The following ANKRD26 variants were observed in gnomAD, a reference collection of about 807,000 sequenced individuals.
The protein encoded by ANKRD26 is ankyrin repeat domain-containing protein 26.
ANKRD26 carries 141 observed loss-of-function variants against 208.7 expected under a neutral mutation model. The observed-to-expected ratio is 0.68, with a 90% CI of 0.59 to 0.78. The LOEUF (loss-of-function observed/expected upper bound fraction) is 0.78, where lower values mean the gene tolerates loss of function less well. ANKRD26 is among the 30% of genes least tolerant of loss of function. The pLI is 0.00. For missense variants in ANKRD26, 1,889 were observed against 1,938.7 expected, an observed-to-expected ratio of 0.97 and a Z score of 0.48; for synonymous variants, 636 against 660.4, an observed-to-expected ratio of 0.96 and a Z score of 0.57.
At chr10:26,962,381 C>T in the ANKRD26 span, among the ~76,000 whole-genome samples, 6 of 151,834 alleles carry the variant, frequency 4.0e-5, no homozygotes, top group East Asian at 1.9e-4. Flanking sequence ...TCAAGACCAG[C>T]GGGGCCAACA....
chr10:27,006,116 TG>T (rs1472055560), intron 33 of ANKRD26, among the ~76,000 whole-genome samples: 2 of 152,202 alleles, frequency 1.3e-5, no homozygotes, highest in African/African-American at 4.8e-5. Context: ...AGGGCACTAC[TG>T]GAACACACAG....
chr10:26,975,552 G>A (rs780012177), exon 6 of ANKRD26, among the ~76,000 whole-genome samples: 28 of 151,914 alleles, frequency 1.8e-4, no homozygotes, highest in Non-Finnish European at 3.7e-4. Flanking sequence ...CTAAAGAGGA[G>A]CTCTACAGGC....
intron 3 of ANKRD26, among the ~76,000 whole-genome samples, chr10:26,982,978 TA>T (rs1297902454): frequency 2.2e-4 from 34 of 152,358 alleles, no homozygotes; most frequent in African/African-American, 7.5e-4. Flanking sequence ...ATGTCAGTCA[TA>T]AGTCAGGTTT....
At chr10:27,002,682 A>C (rs34321267), downstream of ANKRD26, among the ~76,000 whole-genome samples, 1 of 152,212 alleles carries the variant, frequency 6.6e-6, no homozygotes, top group African/African-American at 2.4e-5. Flanking sequence ...TGTAGGGTCT[A>C]TGGTCATAAC....
In ANKRD26 at chr10:27,093,814, G is replaced by A; in HGVS notation, c.243-15C>T. ...GTAGAGCCGTCCTATGAGAGTGACA[G>A]GACTTTTTATAAACTGTAGTGCACT... On this transcript the variant is annotated splice_polypyrimidine_tract_variant and intron_variant, in intron 1 of 33. Transcript: ENST00000376087. 6.3e-7 allele frequency: 1 copy of A among 1,585,428 alleles called. No homozygotes were observed. The highest frequency in any genetic ancestry group is 8.7e-7 in the Non-Finnish European group (1 of 1,154,076).
rs867614499 is a variant in ANKRD26, at chr10:27,061,043, A to G, written c.1462+101T>C. 63 of 903,618 alleles carry G rather than the reference A, an allele frequency of 7.0e-5. No homozygotes were observed. The Middle Eastern group carries it at 3.2e-3, about 46-fold the overall frequency. The allele number at this position is 903,618 out of a possible 1,614,324, so 56.0% of individuals were successfully genotyped here. A position where few individuals can be genotyped will look rare whatever the true frequency, so the allele number is the denominator to read the frequency against. ...AGTTATGATGCCACTTTACTTGGAT[A>G]TATAACTTATTTCTCATCAGAGAAA... is the stretch of plus-strand genomic sequence containing the variant. On this transcript the variant is annotated intron_variant, in intron 13 of 33. Coordinates refer to ENST00000376087, the MANE Select transcript of ANKRD26 (RefSeq NM_014915.3).
At chr10:26,984,773 G>A (rs2052358763) in intron 3 of ANKRD26, among the ~76,000 whole-genome samples, 1 of 152,150 alleles carries the variant, frequency 6.6e-6, no homozygotes, top group South Asian at 2.1e-4. Flanking sequence ...CAAAATGGTG[G>A]ATCAGAGTGT....
intron 5 of ANKRD26, among the ~76,000 whole-genome samples, chr10:26,994,283 T>C (rs942753675): frequency 1.1e-4 from 17 of 152,152 alleles, no homozygotes; most frequent in Admixed American, 8.5e-4. Flanking sequence ...CTGGCTTATT[T>C]TGGCAACAAA....
chr10:26,972,047 A>G (rs930713851), downstream of ANKRD26, among the ~76,000 whole-genome samples: 2 of 152,058 alleles, frequency 1.3e-5, no homozygotes, highest in Non-Finnish European at 2.9e-5. Context: ...CATCCTGGCT[A>G]ACACGGTGAA....
intron 6 of ANKRD26, chr10:27,081,048 T>A: frequency 1.5e-6 from 1 of 661,134 alleles, no homozygotes; most frequent in Non-Finnish European, 1.9e-6. Context: ...GAGGCAGAAG[T>A]AGTTATAGTA....
chr10:27,023,295 C>T (rs1218077316), intron 28 of ANKRD26, among the ~76,000 whole-genome samples: 1 of 151,262 alleles, frequency 6.6e-6, no homozygotes, highest in Non-Finnish European at 1.5e-5. Flanking sequence ...TGGGCCGAGA[C>T]TGCACCACCA....
chr10:27,082,807 T>C lies in ANKRD26; in HGVS notation c.736A>G (p.Ser246Gly), dbSNP rs750400386. The change falls in exon 6 of 34, where the codon AGC becomes GGC. Residue 246 changes from serine (S) to glycine (G), a missense_variant. Ser to Gly is a moderately conservative substitution (Grantham distance 56, BLOSUM62 0). Coordinates refer to ENST00000376087, the MANE Select transcript of ANKRD26 (RefSeq NM_014915.3). ...TAAAAATCTGTAAAATACTACCTGC[T>C]TAAGGAGTCTTCAGAGCTTTCATCC... ...SVDESSEDSL[S>G]RLSGKPGVDD... is the part of the protein sequence containing the mutation. 3 of 1,588,096 alleles carry C rather than the reference T, an allele frequency of 1.9e-6. No individual in the cohort carries two copies. The highest frequency in any genetic ancestry group is 2.6e-6 in the Non-Finnish European group (3 of 1,166,082).
chr10:27,016,880 A>AG (rs1357256052), intron 30 of ANKRD26, among the ~76,000 whole-genome samples: 1 of 151,356 alleles, frequency 6.6e-6, no homozygotes. Context: ...TATGTGAAAA[A>AG]AAAGCTGAAG....
chr10:26,978,731 T>C (rs889603702), intron 5 of ANKRD26, among the ~76,000 whole-genome samples: 3 of 152,162 alleles, frequency 2.0e-5, no homozygotes, highest in Admixed American at 2.0e-4. Context: ...GCAAGCCACA[T>C]GCACAGACTC....
intron 32 of ANKRD26, among the ~76,000 whole-genome samples, chr10:27,009,203 A>G (rs1369865763): frequency 2.0e-5 from 3 of 152,146 alleles, no homozygotes; most frequent in African/African-American, 7.2e-5. Context: ...AAAGGACACC[A>G]GGTCAGACAT....
In ANKRD26 at chr10:27,028,935, C is replaced by T. The variant is rs1252842577; in HGVS notation, c.3889G>A (p.Asp1297Asn). Residue 1297 changes from aspartate to asparagine, a missense_variant, in exon 27 of 34, where the codon GAT (aspartate) becomes AAT (asparagine). Physicochemically the swap from Asp to Asn is conservative, Grantham distance 23. This residue lies in a region of ANKRD26 where 613 missense variants were observed against 648.2 expected (regional missense o/e 0.95). Coordinates refer to ENST00000376087, the MANE Select transcript of ANKRD26 (RefSeq NM_014915.3). ...ACTGTAACTTTTAACTTGGCATTATCTTTTTCAAGCCTGAAATGTATATTT... is the reference window on the plus strand; with the variant it reads ...ACTGTAACTTTTAACTTGGCATTATTTTTTTCAAGCCTGAAATGTATATTT... Reference protein sequence around the residue: ...MQDHKQKLEKDNAKLKVTVKK... With the variant: ...MQDHKQKLEKNNAKLKVTVKK... 2.5e-6 allele frequency: 4 copies of T among 1,608,900 alleles called. No individual in the cohort carries two copies. In the East Asian group the frequency reaches 8.9e-5, roughly 36 times the overall value.
downstream of ANKRD26, among the ~76,000 whole-genome samples, chr10:27,000,729 C>A (rs1407675180): frequency 6.6e-6 from 1 of 152,188 alleles, no homozygotes; most frequent in Non-Finnish European, 1.5e-5. Context: ...ATAGGCCAGG[C>A]ACGGTGGCTC....
At chr10:26,968,139 C>T in the ANKRD26 span, among the ~76,000 whole-genome samples, 1 of 152,178 alleles carries the variant, frequency 6.6e-6, no homozygotes, top group Non-Finnish European at 1.5e-5. Context: ...CACCACCAAC[C>T]TCTCCAGACT....
chr10:26,971,958 G>A (rs536102236), downstream of ANKRD26, among the ~76,000 whole-genome samples: 3 of 152,054 alleles, frequency 2.0e-5, no homozygotes, highest in South Asian at 2.1e-4. Context: ...TCCAGTGGCC[G>A]GGCGCAGTGG....
Sources: gnomAD v4.1 joint callset for allele counts (sites outside exome capture counted in the v4.1 genomes callset) on GRCh38, gnomAD v4.1.1 for gene constraint, gnomAD v4.1.1 regional missense constraint, MANE v1.5 for transcripts, NCBI Gene and HGNC (gene_info 2026-07-23, HGNC 2026-07-21) for gene names.